Variants in CTR9 observed in about 807,000 individuals in gnomAD.
CTR9 encodes RNA polymerase-associated protein CTR9 homolog.
A neutral mutation model predicts 152.1 loss-of-function variants in CTR9; 41 were observed. The observed-to-expected ratio is 0.27, with a 90% CI of 0.21 to 0.35. The LOEUF (loss-of-function observed/expected upper bound fraction) is 0.35, where lower values mean the gene tolerates loss of function less well. CTR9 is among the 10% of genes least tolerant of loss of function. The probability of loss-of-function intolerance (pLI) is 1.00; values close to 1 mark genes in which losing one functional copy is unlikely to be tolerated. For missense variants in CTR9, 917 were observed against 1,424.4 expected, an observed-to-expected ratio of 0.64 and a Z score of 5.73; for synonymous variants, 476 against 496.2, an observed-to-expected ratio of 0.96 and a Z score of 0.54.
At position 10,756,813 on chromosome 11, in the gene CTR9, A is replaced by G; in HGVS notation, c.567A>G (p.Ala189=). The G allele has an allele frequency of 6.2e-7, 1 of 1,612,982 alleles. No homozygotes were observed. The highest frequency in any genetic ancestry group is 8.5e-7 in the Non-Finnish European group (1 of 1,179,426). Residue 189 remains alanine (A), a synonymous_variant, in exon 5 of 25, where the codon GCA becomes GCG. Coordinates refer to ENST00000361367, the MANE Select transcript of CTR9 (RefSeq NM_014633.5). The part of the protein sequence containing the change: ...YRGALAYYKK[A]LRTNPGCPAE... The stretch of plus-strand genomic sequence containing the variant: ...GAGCTCTTGCTTACTATAAGAAAGC[A>G]TTGCGTACTAACCCAGGATGTCCAG...
chr11:10,762,403 G>C (rs1422367593), intron 7 of CTR9, among the ~76,000 whole-genome samples: 1 of 152,218 alleles, frequency 6.6e-6, no homozygotes, highest in African/African-American at 2.4e-5. Flanking sequence ...GTAGAGAAAT[G>C]AGGAAGTGGT....
intron 18 of CTR9, 46 bp from the exon 19 acceptor site, chr11:10,771,499 T>C (rs552836234): frequency 2.6e-5 from 35 of 1,347,110 alleles, no homozygotes; most frequent in Non-Finnish European, 3.5e-5. Context: ...TTTATTTCAT[T>C]AGAATCTCTT....
chr11:10,764,077 G>T (rs1206638850), intron 9 of CTR9, 35 bp from the exon 10 acceptor site: 1 of 1,595,298 alleles, frequency 6.3e-7, no homozygotes. Context: ...ACCTATAGAT[G>T]GAATACTTCA....
chr11:10,774,259 G>A, intron 22 of CTR9, 90 bp downstream of exon 22: 1 of 1,446,344 alleles, frequency 6.9e-7, no homozygotes, highest in South Asian at 1.5e-5. Flanking sequence ...TAGAATTGAT[G>A]AACACTTGAT....
chr11:10,766,551 A>G, intron 13 of CTR9, 61 bp downstream of exon 13: 1 of 1,300,918 alleles, frequency 7.7e-7, no homozygotes, highest in South Asian at 1.4e-5. Context: ...TTCCCCATAA[A>G]TCAGTTTTTC....
Position 10,762,024 on chromosome 11 carries a change from C to T in CTR9, c.819C>T (p.Asn273=), listed in dbSNP as rs763594613. The T allele has an allele frequency of 3.7e-6, 6 of 1,602,060 alleles. No individual in the cohort carries two copies. Among genetic ancestry groups the T allele is most frequent in the Admixed American group, 1.7e-5 (1 of 57,622 alleles). Residue 273 remains asparagine, a synonymous_variant, in exon 7 of 25, where the codon AAC becomes AAT. Coordinates refer to ENST00000361367, the MANE Select transcript of CTR9 (RefSeq NM_014633.5). Reference sequence around the variant, plus strand: ...ATCCTAGCAACCCTATGGTATTGAACCATTTGGCAAATCACTTTTTCTTCA... The same window carrying T: ...ATCCTAGCAACCCTATGGTATTGAATCATTTGGCAAATCACTTTTTCTTCA... The part of the protein sequence containing the change: ...TIDPSNPMVL[N]HLANHFFFKK...
At chr11:10,764,485 G>A (rs1019027281) in intron 11 of CTR9, 49 bp downstream of exon 11, 28 of 974,102 alleles carry the variant, frequency 2.9e-5, no homozygotes, top group Non-Finnish European at 3.9e-5. Context: ...CAAGTTGCAT[G>A]CACACCTTTT....
chr11:10,752,452 C>G (rs550947048), intron 1 of CTR9, among the ~76,000 whole-genome samples: 2 of 152,262 alleles, frequency 1.3e-5, no homozygotes, highest in African/African-American at 4.8e-5. Context: ...GATCTGGGGA[C>G]AAGTAGCAGG....
intron 24 of CTR9, among the ~76,000 whole-genome samples, chr11:10,777,165 G>GGTTA (rs1863252987): frequency 6.6e-6 from 1 of 152,046 alleles, no homozygotes; most frequent in African/African-American, 2.4e-5. Context: ...CTGAGGCAGA[G>GGTTA]GTTAGCATGT....
intron 24 of CTR9, among the ~76,000 whole-genome samples, chr11:10,777,638 T>G (rs962111434): frequency 6.6e-6 from 1 of 152,206 alleles, no homozygotes; most frequent in Non-Finnish European, 1.5e-5. Context: ...AATCTGTACC[T>G]GAGGTCAAGG....
intron 4 of CTR9, 40 bp downstream of exon 4, chr11:10,755,835 T>G: frequency 1.6e-6 from 2 of 1,217,594 alleles, no homozygotes; most frequent in Non-Finnish European, 2.4e-6. Flanking sequence ...ACAGTTGTTT[T>G]CAGCATATGC....
chr11:10,755,558 C>T (rs777757239), intron 3 of CTR9, 120 bp from the exon 4 acceptor site: 49 of 627,054 alleles, frequency 7.8e-5, no homozygotes, highest in Admixed American at 3.8e-4. Context: ...AGCTTAAGCA[C>T]GTTACATTTG....
intron 19 of CTR9, 94 bp downstream of exon 19, chr11:10,771,710 C>A: frequency 1.2e-6 from 1 of 837,720 alleles, no homozygotes; most frequent in South Asian, 1.5e-5. Flanking sequence ...AGGTTCCTGA[C>A]CTTCCACAGG....
chr11:10,759,174 C>G (rs1294094242), intron 5 of CTR9, among the ~76,000 whole-genome samples: 2 of 152,098 alleles, frequency 1.3e-5, no homozygotes, highest in African/African-American at 2.4e-5. Context: ...CCCTAGAGCA[C>G]TCTGATATTA....
At chr11:10,777,410 A>G (rs1863258368) in intron 24 of CTR9, among the ~76,000 whole-genome samples, 1 of 149,300 alleles carries the variant, frequency 6.7e-6, no homozygotes, top group African/African-American at 2.5e-5. Context: ...ATAAACAAAC[A>G]AAAAAAGATT....
At chr11:10,768,018 A>G (rs1564969691) in intron 14 of CTR9, 27 bp downstream of exon 14, 1 of 1,613,586 alleles carries the variant, frequency 6.2e-7, no homozygotes, top group African/African-American at 1.3e-5. Context: ...CTTTTAAACA[A>G]AACTGATACT....
chr11:10,758,812 A>G (rs150729670), intron 5 of CTR9, among the ~76,000 whole-genome samples: 1 of 152,302 alleles, frequency 6.6e-6, no homozygotes, highest in East Asian at 1.9e-4. Flanking sequence ...GCAATTTGTA[A>G]CCAATCAAAT....
At chr11:10,754,909 TA>T in intron 2 of CTR9, 48 bp from the exon 3 acceptor site, 1 of 1,557,516 alleles carries the variant, frequency 6.4e-7, no homozygotes, top group Non-Finnish European at 8.7e-7. Flanking sequence ...TACAACTTTT[TA>T]TATGGACATA....
In CTR9 at chr11:10,773,174, A is replaced by G. The variant is rs1253074919; in HGVS notation, c.2628A>G (p.Glu876=). The change falls in exon 21 of 25, where the codon GAA becomes GAG. Residue 876 remains glutamate (E), a synonymous_variant. Transcript: ENST00000361367. ...AGGAAGAGCAAAAGAAACTTTTGGA[A>G]CAGCGGGCCCAGTATGTGGAGAAGA... ...REKEEQKKLL[E]QRAQYVEKTK... The G allele has an allele frequency of 1.2e-6, 2 of 1,611,180 alleles. No individual in the cohort carries two copies. The highest frequency in any genetic ancestry group is 1.7e-6 in the Non-Finnish European group (2 of 1,179,444).
Sources: gnomAD v4.1 joint callset for allele counts (sites outside exome capture counted in the v4.1 genomes callset) on GRCh38, gnomAD v4.1.1 for gene constraint, MANE v1.5 for transcripts, NCBI Gene and HGNC (gene_info 2026-07-23, HGNC 2026-07-21) for gene names.